ELP2: variants seen among roughly 807,000 people sequenced by gnomAD.
The protein encoded by ELP2 is elongator acetyltransferase complex subunit 2.
A neutral mutation model predicts 119.2 loss-of-function variants in ELP2; 90 were observed. That is an observed-to-expected ratio of 0.75 (90% CI 0.64 to 0.90). The LOEUF (loss-of-function observed/expected upper bound fraction) is 0.90. ELP2 is among the 40% of genes least tolerant of loss of function. The probability of loss-of-function intolerance (pLI) is 0.00; values close to 1 mark genes in which losing one functional copy is unlikely to be tolerated. For synonymous variants in ELP2, 339 were observed against 331.0 expected, an observed-to-expected ratio of 1.02 and a Z score of -0.26; for missense variants, 921 against 967.8, an observed-to-expected ratio of 0.95 and a Z score of 0.64.
rs34685959 is a variant in ELP2 at position 36,178,727 on chromosome 18, GA to G, written c.*4101del. The G allele has an allele frequency of 0.052, 6,492 of 123,936 alleles. 152 individuals carry two copies. The highest frequency in any genetic ancestry group is 0.075 in the African/African-American group (2,547 of 33,806). 7.7% of individuals were successfully genotyped at this position (123,936 alleles called of 1,614,324 possible). A position where few individuals can be genotyped will look rare whatever the true frequency, so the allele number is the denominator to read the frequency against. Reference sequence around the variant, plus strand: ...TTCTCCCACCTCAGCCTTGGTTTAAGAAAAAAAAAAAAAAAGTTCTCTTGAA... The same window carrying G: ...TTCTCCCACCTCAGCCTTGGTTTAAGAAAAAAAAAAAAAAGTTCTCTTGAA... On this transcript the variant is annotated 3_prime_UTR_variant, in exon 22 of 22. Transcript: ENST00000358232.
intron 17 of ELP2, 108 bp from the exon 18 acceptor site, chr18:36,164,365 TCA>T: frequency 9.3e-7 from 1 of 1,080,420 alleles, no homozygotes. Context: ...TTTTTGGAAT[TCA>T]AACAGATAAA....
intron 11 of ELP2, among the ~76,000 whole-genome samples, chr18:36,147,720 G>A (rs1201929592): frequency 1.3e-5 from 2 of 152,180 alleles, no homozygotes; most frequent in Non-Finnish European, 2.9e-5. Flanking sequence ...ACCGCACCTG[G>A]TCTACTGGCA....
chr18:36,142,959 A>T lies in ELP2; in HGVS notation c.789A>T (p.Glu263Asp). The change falls in exon 8 of 22, where the codon GAA becomes GAT. Residue 263 changes from glutamate (E) to aspartate (D), a missense_variant. Physicochemically the swap from Glu to Asp is conservative, Grantham distance 45. Transcript: ENST00000358232. ...IRLKENTFTI[E>D]NESVKIAFAV... ...TGAAAGAAAATACTTTTACCATAGA[A>T]AATGAAAGTGAGTAATAATGAAAAT... The T allele has an allele frequency of 6.3e-7, 1 of 1,586,578 alleles. No homozygotes were observed. Among genetic ancestry groups the T allele is most frequent in the Non-Finnish European group, 8.6e-7 (1 of 1,159,604 alleles).
intron 2 of ELP2, 54 bp downstream of exon 2, chr18:36,133,370 G>A (rs2089705165): frequency 1.5e-6 from 2 of 1,365,342 alleles, no homozygotes; most frequent in Admixed American, 3.4e-5. Flanking sequence ...GATAAAATAA[G>A]GTTAGCCATT....
At position 36,156,632 on chromosome 18, in the gene ELP2, C is replaced by T; in HGVS notation, c.1442C>T (p.Ser481Leu). 1 of 1,614,026 alleles carries T rather than the reference C, an allele frequency of 6.2e-7. No individual in the cohort carries two copies. The change falls in exon 13 of 22, where the codon TCA (serine) becomes TTA (leucine). Residue 481 changes from serine to leucine, a missense_variant. Physicochemically the swap from Ser to Leu is moderately radical, Grantham distance 145. Coordinates refer to ENST00000358232, the MANE Select transcript of ELP2 (RefSeq NM_018255.4). ...AATTTTTGTGCCATTACAGGACAAT[C>T]ACTGAATCATGTGCTCTGTAATGTG... Reference protein sequence around the residue: ...VENFCAITGQSLNHVLCNQDS... With the variant: ...VENFCAITGQLLNHVLCNQDS...
chr18:36,173,342 C>G (rs1196097266), intron 21 of ELP2, among the ~76,000 whole-genome samples: 1 of 152,180 alleles, frequency 6.6e-6, no homozygotes, highest in African/African-American at 2.4e-5. Context: ...AATTATAATG[C>G]CTTTTATAAT....
At chr18:36,163,079 A>G (rs2090788069) in intron 17 of ELP2, among the ~76,000 whole-genome samples, 1 of 151,984 alleles carries the variant, frequency 6.6e-6, no homozygotes, top group Non-Finnish European at 1.5e-5. Context: ...TTGATTCTCC[A>G]GTGTCTACTA....
In ELP2 at chr18:36,142,311, G is replaced by C. The variant is rs2090059475; in HGVS notation, c.619G>C (p.Glu207Gln). Residue 207 changes from glutamate (E) to glutamine (Q), a missense_variant, in exon 7 of 22, where the codon GAG becomes CAG. Coordinates refer to ENST00000358232, the MANE Select transcript of ELP2 (RefSeq NM_018255.4). ...GAAAGTGCTTTCTCTCTGTGGACATGAGGATTGGATTAGAGGAGTGGAATG... is the reference window on the plus strand; with the variant it reads ...GAAAGTGCTTTCTCTCTGTGGACATCAGGATTGGATTAGAGGAGTGGAATG... ...FQKVLSLCGH[E>Q]DWIRGVEWAA... 1 of 1,613,924 alleles carries C rather than the reference G, an allele frequency of 6.2e-7. No individual in the cohort carries two copies. Among genetic ancestry groups the C allele is most frequent in the African/African-American group, 1.3e-5 (1 of 74,920 alleles).
intron 18 of ELP2, among the ~76,000 whole-genome samples, chr18:36,165,574 C>G (rs748602224): frequency 2.6e-5 from 4 of 152,176 alleles, no homozygotes; most frequent in Non-Finnish European, 5.9e-5. Context: ...TAACATGCAG[C>G]ATTTACTGTT....
chr18:36,169,015 C>T (rs569681698), intron 19 of ELP2, among the ~76,000 whole-genome samples: 5 of 142,694 alleles, frequency 3.5e-5, no homozygotes, highest in South Asian at 2.2e-4. Flanking sequence ...ACCCCCGCCT[C>T]CCAGGTTCAG....
At chr18:36,155,191 TTAG>T (rs2090530428) in intron 12 of ELP2, among the ~76,000 whole-genome samples, 192 bp downstream of exon 12, 1 of 151,640 alleles carries the variant, frequency 6.6e-6, no homozygotes, top group Admixed American at 6.6e-5. Flanking sequence ...TTTTGTATTT[TTAG>T]TAGAGATGGG....
chr18:36,168,485 A>G (rs529278637), intron 19 of ELP2, among the ~76,000 whole-genome samples: 21 of 152,312 alleles, frequency 1.4e-4, no homozygotes, highest in African/African-American at 4.3e-4. Context: ...TCATGGCAGA[A>G]GGTGAAACAA....
Position 36,170,210 on chromosome 18 carries a change from T to C in ELP2, c.2210+14T>C, listed in dbSNP as rs536496502. 1 of 1,614,182 alleles carries C rather than the reference T, an allele frequency of 6.2e-7. No homozygotes were observed. The highest frequency in any genetic ancestry group is 1.7e-5 in the Admixed American group (1 of 60,020). On this transcript the variant is annotated intron_variant, in intron 20 of 21. Transcript: ENST00000358232. ...CCCTTCTCAACGGTCAGTCTCTGTG[T>C]GGGGCTTAGTTTTAAGAGGACCACT... is the stretch of plus-strand genomic sequence containing the variant.
chr18:36,149,352 A>G (rs1168962419), intron 11 of ELP2, among the ~76,000 whole-genome samples: 2 of 152,160 alleles, frequency 1.3e-5, no homozygotes, highest in Non-Finnish European at 2.9e-5. Context: ...CCACCAGGCA[A>G]TGTAGCTGTT....
chr18:36,170,867 GTAA>G, intron 20 of ELP2, 177 bp from the exon 21 acceptor site: 1 of 639,918 alleles, frequency 1.6e-6, no homozygotes, highest in Non-Finnish European at 2.8e-6. Context: ...TGCAGCCCCT[GTAA>G]AGAGGAGGCT....
intron 11 of ELP2, among the ~76,000 whole-genome samples, chr18:36,151,663 G>A (rs1183132766): frequency 6.6e-6 from 1 of 151,240 alleles, no homozygotes; most frequent in Non-Finnish European, 1.5e-5. Context: ...ACAAAAATTA[G>A]CCAGGCATGG....
chr18:36,150,777 A>G (rs1051949740), intron 11 of ELP2, among the ~76,000 whole-genome samples: 28 of 152,198 alleles, frequency 1.8e-4, no homozygotes, highest in African/African-American at 6.5e-4. Flanking sequence ...CAGGTAGGGG[A>G]AACATTCCCC....
In ELP2 at chr18:36,165,622, G is replaced by A. The variant is rs143803894; in HGVS notation, c.1954+955G>A. Among the ~76,000 whole-genome samples the A allele has an allele frequency of 1.8e-3, 271 of 152,204 alleles. 4 individuals are homozygous for A. The highest frequency in any genetic ancestry group is 6.2e-3 in the African/African-American group (256 of 41,550). The stretch of plus-strand genomic sequence containing the variant: ...GTCCACCAGGCACAGTGGCTCATGC[G>A]TGTGATCCCAGCACTTTGGGAGGCC... On this transcript the variant is annotated intron_variant, in intron 18 of 21. Coordinates refer to ENST00000358232, the MANE Select transcript of ELP2 (RefSeq NM_018255.4).
intron 20 of ELP2, 119 bp downstream of exon 20, chr18:36,170,315 T>A (rs867695110): frequency 7.4e-7 from 1 of 1,342,958 alleles, no homozygotes. Flanking sequence ...TTTTTTCTTT[T>A]TTTTTTTTTG....
Sources: gnomAD v4.1 joint callset for allele counts (sites outside exome capture counted in the v4.1 genomes callset) on GRCh38, gnomAD v4.1.1 for gene constraint, MANE v1.5 for transcripts, NCBI Gene and HGNC (gene_info 2026-07-23, HGNC 2026-07-21) for gene names.